Variants in ATP6V1E2 observed in about 807,000 individuals in gnomAD.
ATP6V1E2 encodes ATPase H+ transporting V1 subunit E2.
For missense variants in ATP6V1E2, 308 were observed against 273.3 expected (o/e 1.13, Z -0.90); for synonymous variants, 121 against 104.2 (o/e 1.16, Z -0.98).
intron 4 of ATP6V1E2, among the ~76,000 whole-genome samples, chr2:46,531,808 G>T (rs1667193911): frequency 6.6e-6 from 1 of 152,102 alleles, no homozygotes; most frequent in Non-Finnish European, 1.5e-5. Flanking sequence ...ACCTTTTCAT[G>T]TGCTTGTTGG....
chr2:46,516,603 T>A (rs1030178877), intron 4 of ATP6V1E2, among the ~76,000 whole-genome samples: 6 of 152,096 alleles, frequency 3.9e-5, no homozygotes, highest in Non-Finnish European at 7.4e-5. Context: ...CTAAAAAAAA[T>A]TTTTAAAAGA....
intron 4 of ATP6V1E2, chr2:46,519,903 T>G (rs1377539998): frequency 1.3e-5 from 2 of 152,214 alleles, no homozygotes; most frequent in African/African-American, 4.8e-5. Flanking sequence ...ATTCTAGTCT[T>G]GCCTGTTTGT....
chr2:46,528,525 G>A (rs1315278578), intron 4 of ATP6V1E2, among the ~76,000 whole-genome samples: 1 of 152,226 alleles, frequency 6.6e-6, no homozygotes, highest in East Asian at 1.9e-4. Context: ...TCACAGGATG[G>A]TGACTCCTCC....
intron 4 of ATP6V1E2, among the ~76,000 whole-genome samples, chr2:46,523,893 C>G (rs1666763375): frequency 6.6e-6 from 1 of 152,060 alleles, no homozygotes; most frequent in Admixed American, 6.6e-5. Flanking sequence ...TTGTTTGTGT[C>G]CTCTCTTATT....
In ATP6V1E2 at chr2:46,530,676, C is replaced by G. The variant is rs1290823202; in HGVS notation, c.-102+5137G>C. On this transcript the variant is annotated intron_variant, in intron 4 of 4. Coordinates refer to ENST00000522587, the MANE Select transcript of ATP6V1E2 (RefSeq NM_001318063.2). This position sits in a 1 kb window ranked among gnomAD's most constrained non-coding sequence, Gnocchi z 5.2. ...ACTGCGAATAAAGACATAACCAGGACTGGGTAATATATAAAGGAAAGAGGT... is the reference window on the plus strand; with the variant it reads ...ACTGCGAATAAAGACATAACCAGGAGTGGGTAATATATAAAGGAAAGAGGT... Among the ~76,000 whole-genome samples, 1 of 152,148 alleles carries G rather than the reference C, an allele frequency of 6.6e-6. No individual in the cohort carries two copies. Among genetic ancestry groups the G allele is most frequent in the Non-Finnish European group, 1.5e-5 (1 of 68,036 alleles).
At chr2:46,538,228 TA>T (rs767742308) in intron 2 of ATP6V1E2, among the ~76,000 whole-genome samples, 8 of 152,208 alleles carry the variant, frequency 5.3e-5, no homozygotes, top group Non-Finnish European at 1.0e-4. Flanking sequence ...ATCCATTTTC[TA>T]TGAGTCTCAG....
At chr2:46,525,658 G>C (rs1459194270) in intron 4 of ATP6V1E2, among the ~76,000 whole-genome samples, 1 of 152,100 alleles carries the variant, frequency 6.6e-6, no homozygotes, top group African/African-American at 2.4e-5. Context: ...GAGCCACATA[G>C]AGTTTTATTC....
At chr2:46,533,155 C>T (rs1667265826) in intron 4 of ATP6V1E2, among the ~76,000 whole-genome samples, 1 of 148,958 alleles carries the variant, frequency 6.7e-6, no homozygotes, top group African/African-American at 2.5e-5. Flanking sequence ...TATTATATAT[C>T]TAACATTATA....
At chr2:46,524,269 A>T (rs938619550) in intron 4 of ATP6V1E2, among the ~76,000 whole-genome samples, 12 of 152,140 alleles carry the variant, frequency 7.9e-5, no homozygotes, top group African/African-American at 2.9e-4. Context: ...ATGGTTTGAG[A>T]CCTTCCATGG....
intron 1 of ATP6V1E2, 66 bp from the exon 2 acceptor site, chr2:46,541,519 AC>A (rs1667770888): frequency 6.6e-6 from 1 of 152,232 alleles, no homozygotes; most frequent in African/African-American, 2.4e-5. Context: ...GTCCTTGAGT[AC>A]TGGGAGCAGC....
At chr2:46,517,909 G>A (rs1421389255) in intron 4 of ATP6V1E2, among the ~76,000 whole-genome samples, 1 of 152,194 alleles carries the variant, frequency 6.6e-6, no homozygotes, top group Non-Finnish European at 1.5e-5. Flanking sequence ...TGGGTTGGTG[G>A]GAATGTAAAA....
At chr2:46,533,713 G>A (rs1374782034) in intron 4 of ATP6V1E2, among the ~76,000 whole-genome samples, 4 of 151,696 alleles carry the variant, frequency 2.6e-5, no homozygotes, top group Non-Finnish European at 5.9e-5. Flanking sequence ...TTTCTGCCTC[G>A]GGAACTTTAT....
chr2:46,529,442 C>A (rs1367159980), intron 4 of ATP6V1E2, among the ~76,000 whole-genome samples: 1 of 152,206 alleles, frequency 6.6e-6, no homozygotes, highest in Non-Finnish European at 1.5e-5. Flanking sequence ...CCCACAGAGT[C>A]TAGTACATAG....
chr2:46,512,294 C>G lies in ATP6V1E2; in HGVS notation c.418G>C (p.Asp140His). The change falls in exon 5 of 5, where the codon GAC becomes CAC. Residue 140 changes from aspartate to histidine, a missense_variant. Physicochemically the swap from Asp to His is moderately conservative, Grantham distance 81. Transcript: ENST00000522587. The stretch of plus-strand genomic sequence containing the variant: ...ACAGCAGCCTCCACCAGGAGGAGGT[C>G]TTGTGGCCGGCAGCGTACAATCATC... ...PVMIVRCRPQ[D>H]LLLVEAAVQK... 2.5e-6 allele frequency: 4 copies of G among 1,611,122 alleles called. No homozygotes were observed. Among genetic ancestry groups the G allele is most frequent in the East Asian group, 2.2e-5 (1 of 44,820 alleles).
chr2:46,527,653 A>G (rs1261653327), intron 4 of ATP6V1E2, among the ~76,000 whole-genome samples: 2 of 152,180 alleles, frequency 1.3e-5, no homozygotes, highest in Non-Finnish European at 2.9e-5. Flanking sequence ...GGTGTGAGCC[A>G]CCACGCCTGG....
intron 4 of ATP6V1E2, among the ~76,000 whole-genome samples, chr2:46,529,687 T>G (rs1379884554): frequency 6.6e-6 from 1 of 152,096 alleles, no homozygotes; most frequent in Non-Finnish European, 1.5e-5. Context: ...GCCCAGGCAT[T>G]TGAGGCTGCA....
chr2:46,517,070 C>G lies in ATP6V1E2; in HGVS notation c.-101-4258G>C, dbSNP rs372946054. On this transcript the variant is annotated intron_variant, in intron 4 of 4. Coordinates refer to ENST00000522587, the MANE Select transcript of ATP6V1E2 (RefSeq NM_001318063.2). ...CAACAAAGCTAAAGGTCTCACATTT[C>G]CTGACTTCAACATATACTACGAAGT... Among the ~76,000 whole-genome samples the G allele has an allele frequency of 6.3e-4, 96 of 152,294 alleles. 5 individuals carry two copies. The South Asian group carries it at 0.019, about 30-fold the overall frequency.
At chr2:46,513,226 CTTCCTGGAGG>C (rs1371999629) in intron 4 of ATP6V1E2, among the ~76,000 whole-genome samples, 1 of 151,880 alleles carries the variant, frequency 6.6e-6, no homozygotes, top group East Asian at 1.9e-4. Context: ...GGATTGAATC[CTTCCTGGAGG>C]TAGGAGGGTT....
At chr2:46,518,447 G>T (rs1441319126) in intron 4 of ATP6V1E2, among the ~76,000 whole-genome samples, 2 of 148,492 alleles carry the variant, frequency 1.3e-5, no homozygotes, top group Non-Finnish European at 3.0e-5. Flanking sequence ...ACAGTTAACA[G>T]TACTGTACCA....
Sources: gnomAD v4.1 joint callset for allele counts (sites outside exome capture counted in the v4.1 genomes callset) on GRCh38, gnomAD v4.1.1 for gene constraint, Gnocchi (gnomAD v3.1) non-coding constraint, MANE v1.5 for transcripts, NCBI Gene and HGNC (gene_info 2026-07-23, HGNC 2026-07-21) for gene names.